The following ICE1 variants were observed in gnomAD, a reference collection of about 807,000 sequenced individuals.
ICE1 encodes interactor of little elongation complex ELL subunit 1.
ICE1 carries 64 observed loss-of-function variants against 192.7 expected under a neutral mutation model. The ratio of observed to expected loss-of-function variants is 0.33; its 90% CI spans 0.27 to 0.41. The LOEUF (loss-of-function observed/expected upper bound fraction) is 0.41, where lower values mean the gene tolerates loss of function less well. Among genes scored for constraint, ICE1 ranks in the 10% least tolerant of loss-of-function variants. ICE1 has a pLI of 1.00. For missense variants in ICE1, 2,708 were observed against 2,696.0 expected (o/e 1.00, Z -0.10); for synonymous variants, 1,010 against 984.5 (o/e 1.03, Z -0.49).
chr5:5,485,106 T>G (rs1344896792), intron 17 of ICE1, among the ~76,000 whole-genome samples: 1 of 152,076 alleles, frequency 6.6e-6, no homozygotes, highest in Non-Finnish European at 1.5e-5. Flanking sequence ...TCTCCATCCT[T>G]GGATCTTTGG....
chr5:5,436,368 A>G (rs1737872548), intron 1 of ICE1, 50 bp from the exon 2 acceptor site: 1 of 1,047,498 alleles, frequency 9.5e-7, no homozygotes, highest in South Asian at 1.7e-5. Context: ...GACAATAATT[A>G]TATTTAAAGT....
intron 10 of ICE1, among the ~76,000 whole-genome samples, chr5:5,450,699 G>T (rs1420905378): frequency 6.6e-6 from 1 of 152,186 alleles, no homozygotes; most frequent in Non-Finnish European, 1.5e-5. Flanking sequence ...TCCAAGCAAT[G>T]CTGACATTAA....
intron 1 of ICE1, among the ~76,000 whole-genome samples, chr5:5,432,777 T>C (rs1267481757): frequency 6.6e-6 from 1 of 152,228 alleles, no homozygotes; most frequent in African/African-American, 2.4e-5. Flanking sequence ...CTTTCAAAAA[T>C]AACTTGTTTC....
intron 18 of ICE1, among the ~76,000 whole-genome samples, chr5:5,488,193 C>T (rs183197939): frequency 6.6e-6 from 1 of 152,202 alleles, no homozygotes; most frequent in Admixed American, 6.5e-5. Context: ...GCAGTTGTGC[C>T]TGCTTGTCAG....
At chr5:5,483,414 A>G (rs1337492041) in intron 17 of ICE1, among the ~76,000 whole-genome samples, 2 of 151,476 alleles carry the variant, frequency 1.3e-5, no homozygotes, top group Non-Finnish European at 2.9e-5. Context: ...AGGTGTGAGC[A>G]TTGCTAACAG....
intron 1 of ICE1, among the ~76,000 whole-genome samples, chr5:5,433,128 A>G (rs1259508429): frequency 6.6e-6 from 1 of 152,226 alleles, no homozygotes; most frequent in Non-Finnish European, 1.5e-5. Context: ...GAAGAGAGAC[A>G]GGCAGCCAGT....
intron 1 of ICE1, among the ~76,000 whole-genome samples, chr5:5,432,170 C>G (rs1737729064): frequency 6.6e-6 from 1 of 152,090 alleles, no homozygotes; most frequent in Non-Finnish European, 1.5e-5. Flanking sequence ...CCAAAGAAAC[C>G]CTATACTAGT....
At chr5:5,440,983 G>A (rs890112578) in intron 4 of ICE1, 129 bp from the exon 5 acceptor site, 4 of 597,934 alleles carry the variant, frequency 6.7e-6, no homozygotes, top group Admixed American at 6.0e-5. Flanking sequence ...AGAGAGAAGT[G>A]CATTTAAAAA....
chr5:5,470,676 G>T (rs1739133104), intron 15 of ICE1, among the ~76,000 whole-genome samples: 1 of 152,098 alleles, frequency 6.6e-6, no homozygotes, highest in Non-Finnish European at 1.5e-5. Flanking sequence ...ACAAATGAAT[G>T]ATGAATTGGC....
intron 13 of ICE1, 100 bp downstream of exon 13, chr5:5,465,326 G>C: frequency 1.3e-6 from 1 of 778,268 alleles, no homozygotes; most frequent in Non-Finnish European, 2.0e-6. Context: ...ATGAACAAAA[G>C]TTTTACTTCA....
rs745528185 is a variant in ICE1, at chr5:5,464,337, A to G, written c.5003A>G (p.Gln1668Arg). 96 of 1,613,626 alleles carry G rather than the reference A, an allele frequency of 5.9e-5. No homozygotes were observed. Among genetic ancestry groups the G allele is most frequent in the South Asian group, 5.4e-4 (49 of 91,064 alleles). The change falls in exon 13 of 19, where the codon CAG becomes CGG. Residue 1668 changes from glutamine to arginine, a missense_variant. By Grantham distance (43) the Gln-to-Arg change is conservative (BLOSUM62 1). Transcript: ENST00000296564. This position sits in a 1 kb window ranked among gnomAD's most constrained non-coding sequence, Gnocchi z 4.0. ...SPSSPASPVG[Q>R]VSPFRETPVP... Reference sequence around the variant, plus strand: ...TCCTCACCAGCCTCTCCTGTTGGCCAGGTTTCTCCCTTCCGTGAAACCCCA... The same window carrying G: ...TCCTCACCAGCCTCTCCTGTTGGCCGGGTTTCTCCCTTCCGTGAAACCCCA...
At chr5:5,449,572 G>A (rs530662646) in intron 10 of ICE1, among the ~76,000 whole-genome samples, 16 of 152,184 alleles carry the variant, frequency 1.1e-4, no homozygotes, top group Admixed American at 9.8e-4. Context: ...GATGAAACCC[G>A]CAATTGCAGA....
chr5:5,430,889 A>G (rs988598956), intron 1 of ICE1, among the ~76,000 whole-genome samples: 2 of 152,184 alleles, frequency 1.3e-5, no homozygotes, highest in African/African-American at 4.8e-5. Flanking sequence ...CATCCTGAAG[A>G]TATTAGTGAG....
Position 5,464,705 on chromosome 5 carries a change from A to G in ICE1, c.5371A>G (p.Ser1791Gly), listed in dbSNP as rs1223625267. Residue 1791 changes from serine (S) to glycine (G), a missense_variant, in exon 13 of 19, where the codon AGT becomes GGT. Ser to Gly is a moderately conservative substitution (Grantham distance 56). Around this residue, in one of 2 missense-constraint regions of ICE1, gnomAD observed 2,366 missense variants for 2,276.6 expected, o/e 1.04. Transcript: ENST00000296564. The surrounding 1 kb of genome is among the most constrained non-coding windows in gnomAD (Gnocchi z 4.0). ...ADCKNLPGPA[S>G]AMIGFKTITS... ...CTGTAAGAATTTACCGGGACCTGCC[A>G]GTGCTATGATAGGATTCAAAACGAT... The G allele has an allele frequency of 1.2e-6, 2 of 1,613,976 alleles. No homozygotes were observed.
intron 15 of ICE1, among the ~76,000 whole-genome samples, chr5:5,471,773 T>C (rs1186668290): frequency 6.6e-6 from 1 of 152,126 alleles, no homozygotes; most frequent in Non-Finnish European, 1.5e-5. Context: ...AATTTTGAAA[T>C]TATTTCAGTT....
At position 5,461,563 on chromosome 5, in the gene ICE1, T is replaced by C; in HGVS notation, c.2229T>C (p.Phe743=). ...TACATTCACTTCCTCGGTCAGTATTTATGAAAGCTACAAAAGATGGGCAAT... is the reference window on the plus strand; with the variant it reads ...TACATTCACTTCCTCGGTCAGTATTCATGAAAGCTACAAAAGATGGGCAAT... ...TKIHSLPRSV[F]MKATKDGQCE... The change falls in exon 13 of 19, where the codon TTT becomes TTC. Residue 743 remains phenylalanine, a synonymous_variant. Coordinates refer to ENST00000296564, the MANE Select transcript of ICE1 (RefSeq NM_015325.3). 6.2e-7 allele frequency: 1 copy of C among 1,613,244 alleles called. No homozygotes were observed. Among genetic ancestry groups the C allele is most frequent in the South Asian group, 1.1e-5 (1 of 90,936 alleles).
chr5:5,430,707 C>A (rs909747049), intron 1 of ICE1, among the ~76,000 whole-genome samples: 4 of 152,184 alleles, frequency 2.6e-5, no homozygotes, highest in African/African-American at 9.7e-5. Context: ...CCATACTCCA[C>A]CATGCCTAAG....
At chr5:5,455,974 C>G (rs905758368) in intron 11 of ICE1, among the ~76,000 whole-genome samples, 3 of 151,718 alleles carry the variant, frequency 2.0e-5, no homozygotes, top group African/African-American at 7.3e-5. Flanking sequence ...TTTTTAATCT[C>G]TCATGTCTTT....
intron 14 of ICE1, among the ~76,000 whole-genome samples, chr5:5,467,345 A>G (rs1444318364): frequency 6.6e-6 from 1 of 152,224 alleles, no homozygotes; most frequent in East Asian, 1.9e-4. Context: ...CATGAAGTTC[A>G]GCAGTTGGTG....
Sources: gnomAD v4.1 joint callset for allele counts (sites outside exome capture counted in the v4.1 genomes callset) on GRCh38, gnomAD v4.1.1 for gene constraint, gnomAD v4.1.1 regional missense constraint, Gnocchi (gnomAD v3.1) non-coding constraint, MANE v1.5 for transcripts, NCBI Gene and HGNC (gene_info 2026-07-23, HGNC 2026-07-21) for gene names.